Variants in PDE4B observed in about 807,000 individuals in gnomAD.
PDE4B encodes phosphodiesterase 4B.
In PDE4B, 20 loss-of-function variants were observed where a neutral mutation model predicts 82.2. The ratio of observed to expected loss-of-function variants is 0.24; its 90% CI spans 0.17 to 0.35. PDE4B has a LOEUF of 0.35. Among genes scored for constraint, PDE4B ranks in the 10% least tolerant of loss-of-function variants. The probability of loss-of-function intolerance (pLI) is 1.00; values close to 1 mark genes in which losing one functional copy is unlikely to be tolerated. For synonymous variants in PDE4B, 320 were observed against 318.9 expected (o/e 1.00, Z -0.04); for missense variants, 655 against 907.2 (o/e 0.72, Z 3.57).
At position 65,801,113 on chromosome 1, in the gene PDE4B, G is replaced by A. The variant is rs373280258; in HGVS notation, c.-71+7865G>A. On this transcript the variant is annotated intron_variant, in intron 1 of 16. Transcript: ENST00000341517. ...CTCGAACAAAGCTTCTTAAAACGAA[G>A]TCTGTTTCCCCTGTCTCTTACCCCT... Among the ~76,000 whole-genome samples, 5 of 152,290 alleles carry A rather than the reference G, an allele frequency of 3.3e-5. No homozygotes were observed. The East Asian group carries it at 7.7e-4, about 23-fold the overall frequency.
chr1:65,997,660 A>T (rs1395469270), intron 3 of PDE4B, among the ~76,000 whole-genome samples: 2 of 152,148 alleles, frequency 1.3e-5, no homozygotes, highest in Non-Finnish European at 2.9e-5. Flanking sequence ...CTGTCTTTAC[A>T]TGTTTATTGA....
chr1:66,242,672 AG>A (rs1170632294), intron 3 of PDE4B, among the ~76,000 whole-genome samples: 3 of 152,348 alleles, frequency 2.0e-5, no homozygotes, highest in African/African-American at 7.2e-5. Context: ...CTTGAATTCT[AG>A]GAAGTAGAGC....
chr1:65,980,910 T>C (rs982478099), intron 3 of PDE4B, among the ~76,000 whole-genome samples: 2 of 152,108 alleles, frequency 1.3e-5, no homozygotes, highest in African/African-American at 2.4e-5. Flanking sequence ...TGCCTCTAAA[T>C]TTTCTAAATT....
chr1:65,871,968 G>T (rs1232456489), intron 1 of PDE4B, among the ~76,000 whole-genome samples: 1 of 152,054 alleles, frequency 6.6e-6, no homozygotes, highest in African/African-American at 2.4e-5. Context: ...CTTAAGCATT[G>T]TACCAAGAAT....
At chr1:66,176,844 C>T (rs1224627590) in intron 3 of PDE4B, among the ~76,000 whole-genome samples, 1 of 152,176 alleles carries the variant, frequency 6.6e-6, no homozygotes, top group East Asian at 1.9e-4. Flanking sequence ...CATAAAACTG[C>T]ATTCACTTCT....
intron 7 of PDE4B, among the ~76,000 whole-genome samples, chr1:66,326,795 C>T (rs937031271): frequency 6.6e-6 from 1 of 152,158 alleles, no homozygotes; most frequent in Non-Finnish European, 1.5e-5. Context: ...TATTGTGATG[C>T]TTTCAATTGC....
chr1:66,201,020 A>G (rs1648880745), intron 3 of PDE4B, among the ~76,000 whole-genome samples: 1 of 152,180 alleles, frequency 6.6e-6, no homozygotes, highest in East Asian at 1.9e-4. Context: ...GATACATCCC[A>G]TCAATACCTA....
At chr1:66,091,774 A>T (rs1282081459) in intron 3 of PDE4B, among the ~76,000 whole-genome samples, 1 of 152,084 alleles carries the variant, frequency 6.6e-6, no homozygotes, top group Non-Finnish European at 1.5e-5. Flanking sequence ...TTATTGGTGG[A>T]GGCCATTAAA....
chr1:65,923,757 G>GT (rs1380113238), intron 3 of PDE4B, among the ~76,000 whole-genome samples: 1 of 152,076 alleles, frequency 6.6e-6, no homozygotes, highest in Admixed American at 6.5e-5. Flanking sequence ...TCTGTCAATT[G>GT]TTTTTTGTCT....
intron 3 of PDE4B, among the ~76,000 whole-genome samples, chr1:65,951,370 A>G (rs565417696): frequency 2.6e-5 from 4 of 152,248 alleles, no homozygotes; most frequent in Admixed American, 6.6e-5. Context: ...GGATGATACA[A>G]AAGTAATGTA....
At chr1:66,001,626 G>A (rs185458317) in intron 3 of PDE4B, among the ~76,000 whole-genome samples, 1 of 152,082 alleles carries the variant, frequency 6.6e-6, no homozygotes, top group African/African-American at 2.4e-5. Context: ...TTCATGTATG[G>A]TTTTCTGGGT....
At chr1:66,354,970 A>T in intron 8 of PDE4B, 1 of 1,289,970 alleles carries the variant, frequency 7.8e-7, no homozygotes, top group Admixed American at 2.0e-5. Flanking sequence ...TGTGAAGTAC[A>T]GGACATCTGT....
At chr1:65,915,884 A>C (rs149930878) in intron 2 of PDE4B, among the ~76,000 whole-genome samples, 7 of 152,344 alleles carry the variant, frequency 4.6e-5, no homozygotes, top group African/African-American at 1.7e-4. Context: ...GAATTTTGGA[A>C]ACCATGATAC....
chr1:66,103,948 A>G (rs1423722262), intron 3 of PDE4B, among the ~76,000 whole-genome samples: 1 of 151,918 alleles, frequency 6.6e-6, no homozygotes, highest in African/African-American at 2.4e-5. Flanking sequence ...TTATTTTATT[A>G]TTATTATACT....
At chr1:65,875,779 C>A (rs1435829214) in intron 1 of PDE4B, among the ~76,000 whole-genome samples, 2 of 124,314 alleles carry the variant, frequency 1.6e-5, no homozygotes, top group African/African-American at 6.4e-5. Flanking sequence ...GGAAGGGGAA[C>A]ATCACACTCT....
intron 1 of PDE4B, among the ~76,000 whole-genome samples, chr1:65,876,341 T>C (rs1646643531): frequency 6.6e-6 from 1 of 152,112 alleles, no homozygotes; most frequent in Admixed American, 6.6e-5. Flanking sequence ...TATCTGTTTT[T>C]CTGGATTGTA....
chr1:66,146,996 A>G (rs938349179), intron 3 of PDE4B, among the ~76,000 whole-genome samples: 1 of 152,192 alleles, frequency 6.6e-6, no homozygotes, highest in Non-Finnish European at 1.5e-5. Flanking sequence ...TTGTGGATCT[A>G]TGCTCTCAAG....
chr1:66,036,209 A>G (rs565355990), intron 3 of PDE4B, among the ~76,000 whole-genome samples: 1 of 152,164 alleles, frequency 6.6e-6, no homozygotes, highest in South Asian at 2.1e-4. Flanking sequence ...AGTTCCCTGC[A>G]TATTTTGGAT....
At chr1:65,939,284 A>G (rs965423800) in intron 3 of PDE4B, among the ~76,000 whole-genome samples, 2 of 152,188 alleles carry the variant, frequency 1.3e-5, no homozygotes, top group African/African-American at 4.8e-5. Flanking sequence ...AAGTCTAGCT[A>G]TACTAGGTTC....
Sources: allele counts gnomAD v4.1 joint callset (sites outside exome capture counted in the v4.1 genomes callset), GRCh38; gene constraint gnomAD v4.1.1; transcripts MANE v1.5; gene names NCBI Gene and HGNC (gene_info 2026-07-23, HGNC 2026-07-21).